CD276: variants seen among roughly 807,000 people sequenced by gnomAD.
CD276 encodes CD276 antigen.
Under a neutral mutation model 50.0 loss-of-function variants are expected in CD276, and 34 were observed. The ratio of observed to expected loss-of-function variants is 0.68; its 90% CI spans 0.52 to 0.91. CD276 has a LOEUF of 0.91. CD276 is among the 40% of genes least tolerant of loss of function. The pLI is 0.00. For missense variants in CD276, 634 were observed against 717.5 expected (o/e 0.88, Z 1.33); for synonymous variants, 275 against 313.0 (o/e 0.88, Z 1.28).
rs531589982 is a variant in CD276, at chr15:73,708,543, A to G, written c.1504+70A>G. On this transcript the variant is annotated intron_variant, in intron 7 of 9. Transcript: ENST00000318443. Reference sequence around the variant, plus strand: ...GTCTTGGGGTATGTTGCTGTCTTTGATGTCAATAGAGTGTCACTTTCTAGT... The same window carrying G: ...GTCTTGGGGTATGTTGCTGTCTTTGGTGTCAATAGAGTGTCACTTTCTAGT... 28 of 1,517,016 alleles carry G rather than the reference A, an allele frequency of 1.8e-5. No homozygotes were observed. The African/African-American group carries it at 3.4e-4, about 18-fold the overall frequency. 94.0% of individuals were successfully genotyped at this position (1,517,016 alleles called of 1,614,324 possible). A position where few individuals can be genotyped will look rare whatever the true frequency, so the allele number is the denominator to read the frequency against.
intron 6 of CD276, among the ~76,000 whole-genome samples, chr15:73,705,301 C>A (rs993174535): frequency 4.6e-5 from 7 of 152,340 alleles, no homozygotes; most frequent in Non-Finnish European, 7.3e-5. Context: ...CTTCTGATGA[C>A]TTCCATCTGC....
At chr15:73,706,317 C>T (rs11636441) in intron 6 of CD276, among the ~76,000 whole-genome samples, 33,594 of 152,164 alleles carry the variant, frequency 0.22, 5,191 homozygotes, top group African/African-American at 0.44. Context: ...ATTTCACAGA[C>T]GAAGAAACTG....
chr15:73,686,911 T>G (rs1352530406), intron 1 of CD276, among the ~76,000 whole-genome samples: 6 of 151,918 alleles, frequency 3.9e-5, no homozygotes, highest in Admixed American at 3.9e-4. Context: ...GAGGATGACG[T>G]TACTGCCCAT....
chr15:73,694,672 G>C (rs374634421), intron 1 of CD276, among the ~76,000 whole-genome samples: 4 of 152,122 alleles, frequency 2.6e-5, no homozygotes, highest in Non-Finnish European at 5.9e-5. Context: ...GTTCCAGCCA[G>C]TGGGAAGGGG....
At chr15:73,712,819 C>CT in intron 9 of CD276, 115 bp from the exon 10 acceptor site, 1 of 1,064,900 alleles carries the variant, frequency 9.4e-7, no homozygotes, top group Non-Finnish European at 1.4e-6. Flanking sequence ...CTCACACACA[C>CT]TCCCCACTTG....
At chr15:73,694,686 G>A (rs1900112963) in intron 1 of CD276, among the ~76,000 whole-genome samples, 1 of 152,146 alleles carries the variant, frequency 6.6e-6, no homozygotes, top group Non-Finnish European at 1.5e-5. Flanking sequence ...GAAGGGGGAG[G>A]GGAAAGGGAG....
intron 1 of CD276, chr15:73,686,418 T>C (rs765172143): frequency 2.8e-6 from 1 of 355,470 alleles, no homozygotes; most frequent in Non-Finnish European, 3.9e-6. Flanking sequence ...CGATGGAGGG[T>C]TGGCTGAATG....
chr15:73,688,697 G>A (rs1899861903), intron 1 of CD276, among the ~76,000 whole-genome samples: 1 of 152,206 alleles, frequency 6.6e-6, no homozygotes, highest in Non-Finnish European at 1.5e-5. Context: ...TCTGTACAAT[G>A]GGCCTGGAGC....
intron 1 of CD276, among the ~76,000 whole-genome samples, chr15:73,691,118 A>C (rs1899972033): frequency 6.6e-6 from 1 of 151,602 alleles, no homozygotes; most frequent in Non-Finnish European, 1.5e-5. Flanking sequence ...GACTTGGAAG[A>C]CCAGGAAGAG....
Position 73,704,136 on chromosome 15 carries a change from C to T in CD276, c.1073-40C>T. 1.9e-6 allele frequency: 3 copies of T among 1,594,632 alleles called. No individual in the cohort carries two copies. Among genetic ancestry groups the T allele is most frequent in the South Asian group, 1.1e-5 (1 of 88,448 alleles). On this transcript the variant is annotated intron_variant, in intron 5 of 9. Transcript: ENST00000318443. This position sits in a 1 kb window ranked among gnomAD's most constrained non-coding sequence, Gnocchi z 4.1. Reference sequence around the variant, plus strand: ...CCCATGCATCCTTTTCCTCCCCTGCCATTGCCCTGCCCTTGACCCCTGCCC... The same window carrying T: ...CCCATGCATCCTTTTCCTCCCCTGCTATTGCCCTGCCCTTGACCCCTGCCC...
rs200610531 is a variant in CD276, at chr15:73,704,259, T to A, written c.1156T>A (p.Tyr386Asn). The change falls in exon 6 of 10, where the codon TAC (tyrosine) becomes AAC (asparagine). Residue 386 changes from tyrosine (Y) to asparagine (N), a missense_variant. By Grantham distance (143) the Tyr-to-Asn change is moderately radical. Transcript: ENST00000318443. This position sits in a 1 kb window ranked among gnomAD's most constrained non-coding sequence, Gnocchi z 4.1. The part of the protein sequence containing the change: ...GDTVTITCSS[Y>N]RGYPEAEVFW... ...CACGGTGACCATCACGTGCTCCAGC[T>A]ACCGGGGCTACCCTGAGGCTGAGGT... 1.2e-6 allele frequency: 2 copies of A among 1,614,158 alleles called. No homozygotes were observed. Among genetic ancestry groups the A allele is most frequent in the South Asian group, 2.2e-5 (2 of 91,092 alleles).
At chr15:73,711,392 G>A in intron 9 of CD276, 1 of 559,864 alleles carries the variant, frequency 1.8e-6, no homozygotes, top group South Asian at 2.1e-5. Context: ...CAGGACAGGA[G>A]TTTATTCCTC....
At position 73,704,653 on chromosome 15, in the gene CD276, TATA is replaced by T. The variant is rs1366874961; in HGVS notation, c.1369+184_1369+186del. 2.0e-5 allele frequency among the ~76,000 whole-genome samples: 3 copies of T among 152,216 alleles called. No homozygotes were observed. The highest frequency in any genetic ancestry group is 4.8e-5 in the African/African-American group (2 of 41,450). ...GGGACTCGAGCTGATAAGAACCATT[TATA>T]ATGTTTGCCTTCCTAAGAGTGCTTT... On this transcript the variant is annotated intron_variant, in intron 6 of 9. Transcript: ENST00000318443. This position sits in a 1 kb window ranked among gnomAD's most constrained non-coding sequence, Gnocchi z 4.1.
rs1164817505 is a variant in CD276, at chr15:73,714,279, C to CCCCCCA, written c.*1332_*1337dup. ...TGCTTTGGGGACACCGAGGGGACTG[C>CCCCCCA]CCCCCACCCCCACCATGGTGCTATT... On this transcript the variant is annotated 3_prime_UTR_variant, in exon 10 of 10. Transcript: ENST00000318443. The CCCCCCA allele has an allele frequency of 5.9e-6, 1 of 169,700 alleles. No homozygotes were observed. Among genetic ancestry groups the CCCCCCA allele is most frequent in the Non-Finnish European group, 1.2e-5 (1 of 80,874 alleles). The allele number at this position is 169,700 out of a possible 1,614,324, so 10.5% of individuals were successfully genotyped here. A position where few individuals can be genotyped will look rare whatever the true frequency, so the allele number is the denominator to read the frequency against.
intron 1 of CD276, among the ~76,000 whole-genome samples, chr15:73,699,011 T>G (rs1312395525): frequency 6.6e-6 from 1 of 152,200 alleles, no homozygotes; most frequent in African/African-American, 2.4e-5. Flanking sequence ...AAACCCAAAT[T>G]CCTCACTGGT....
chr15:73,707,973 C>T (rs1900714036), intron 6 of CD276, among the ~76,000 whole-genome samples: 1 of 152,298 alleles, frequency 6.6e-6, no homozygotes, highest in African/African-American at 2.4e-5. Context: ...AGCTGAGGCT[C>T]CTACAGTAGA....
chr15:73,701,653 A>T (rs1375790416), intron 2 of CD276, among the ~76,000 whole-genome samples: 1 of 152,194 alleles, frequency 6.6e-6, no homozygotes, highest in Non-Finnish European at 1.5e-5. Context: ...TGCTTTAAAG[A>T]GCATGTGCCT....
chr15:73,696,052 C>T (rs1051275746), intron 1 of CD276, among the ~76,000 whole-genome samples: 16 of 152,250 alleles, frequency 1.1e-4, no homozygotes, highest in African/African-American at 3.9e-4. Flanking sequence ...GGCCCTGCTT[C>T]TGCAGGGTTG....
intron 6 of CD276, among the ~76,000 whole-genome samples, chr15:73,706,916 C>T (rs1900672583): frequency 6.6e-6 from 1 of 152,146 alleles, no homozygotes; most frequent in African/African-American, 2.4e-5. Context: ...GCTCTGCCCC[C>T]TCCTCTGCTG....
Sources: gnomAD v4.1 joint callset for allele counts (sites outside exome capture counted in the v4.1 genomes callset) on GRCh38, gnomAD v4.1.1 for gene constraint, Gnocchi (gnomAD v3.1) non-coding constraint, MANE v1.5 for transcripts, NCBI Gene and HGNC (gene_info 2026-07-23, HGNC 2026-07-21) for gene names.